HCK: variants seen among roughly 807,000 people sequenced by gnomAD.
The protein encoded by HCK is tyrosine-protein kinase HCK.
In HCK, 40 loss-of-function variants were observed where a neutral mutation model predicts 70.4. That is an observed-to-expected ratio of 0.57 (90% CI 0.44 to 0.74). HCK has a LOEUF of 0.74. HCK is among the 30% of genes least tolerant of loss of function. The pLI, the probability that HCK is intolerant of heterozygous loss-of-function variation, is 0.00. For synonymous variants in HCK, 245 were observed against 263.2 expected, an observed-to-expected ratio of 0.93 and a Z score of 0.67; for missense variants, 568 against 697.2, an observed-to-expected ratio of 0.81 and a Z score of 2.09.
At chr20:32,099,984 C>T (rs1462665668) in intron 12 of HCK, among the ~76,000 whole-genome samples, 1 of 151,694 alleles carries the variant, frequency 6.6e-6, no homozygotes, top group Non-Finnish European at 1.5e-5. Context: ...ATGGCAGCCT[C>T]GACTTCCTAG....
At position 32,094,767 on chromosome 20, in the gene HCK, A is replaced by AAGAG. The variant is rs1600744762; in HGVS notation, c.1246+754_1246+755insGAGA. Reference sequence around the variant, plus strand: ...AAAGAAAGAAAGAAAGAAAGAAGGAAAGAAAGAAAGAGAGAGAAAGAGAAA... The same window carrying AAGAG: ...AAAGAAAGAAAGAAAGAAAGAAGGAAAGAGAGAAAGAAAGAGAGAGAAAGAGAAA... On this transcript the variant is annotated intron_variant, in intron 11 of 12. Coordinates refer to ENST00000375852, the MANE Select transcript of HCK (RefSeq NM_002110.5). Among the ~76,000 whole-genome samples, 176 of 116,762 alleles carry AAGAG rather than the reference A, an allele frequency of 1.5e-3. 4 individuals carry two copies. Among genetic ancestry groups the AAGAG allele is most frequent in the African/African-American group, 4.7e-3 (136 of 28,702 alleles). 76.6% of individuals were successfully genotyped at this position (116,762 alleles called of 152,430 possible). A position where few individuals can be genotyped will look rare whatever the true frequency, so the allele number is the denominator to read the frequency against.
chr20:32,080,934 T>A (rs562438641), intron 6 of HCK, among the ~76,000 whole-genome samples: 8 of 151,770 alleles, frequency 5.3e-5, no homozygotes, highest in African/African-American at 1.9e-4. Flanking sequence ...TGAAAAATTT[T>A]AAAAATTAGC....
intron 11 of HCK, among the ~76,000 whole-genome samples, chr20:32,094,841 GAAAGAAAGAAAA>G (rs2045932722): frequency 8.0e-6 from 1 of 125,422 alleles, no homozygotes; most frequent in East Asian, 2.4e-4. Context: ...AAGAAAGAAA[GAAAGAAAGAAAA>G]GAAAGAAAGA....
rs1569010023 is a variant in HCK at position 32,094,771 on chromosome 20, A to AAGAG, written c.1246+758_1246+759insGAGA. Among the ~76,000 whole-genome samples the AAGAG allele has an allele frequency of 5.2e-4, 64 of 123,586 alleles. 1 individual carries two copies. Among genetic ancestry groups the AAGAG allele is most frequent in the African/African-American group, 1.7e-3 (54 of 31,198 alleles). 81.1% of individuals were successfully genotyped at this position (123,586 alleles called of 152,430 possible). A position where few individuals can be genotyped will look rare whatever the true frequency, so the allele number is the denominator to read the frequency against. On this transcript the variant is annotated intron_variant, in intron 11 of 12. Coordinates refer to ENST00000375852, the MANE Select transcript of HCK (RefSeq NM_002110.5). Reference sequence around the variant, plus strand: ...AAAGAAAGAAAGAAAGAAGGAAAGAAAGAAAGAGAGAGAAAGAGAAAGAAA... The same window carrying AAGAG: ...AAAGAAAGAAAGAAAGAAGGAAAGAAAGAGAGAAAGAGAGAGAAAGAGAAAGAAA...
chr20:32,061,898 G>T (rs746215798), intron 1 of HCK, among the ~76,000 whole-genome samples: 1 of 151,786 alleles, frequency 6.6e-6, no homozygotes, highest in South Asian at 2.1e-4. Flanking sequence ...GAAACCCTGG[G>T]TGGGGGTTGA....
intron 12 of HCK, among the ~76,000 whole-genome samples, chr20:32,100,375 G>A (rs2046017541): frequency 6.6e-6 from 1 of 152,184 alleles, no homozygotes; most frequent in African/African-American, 2.4e-5. Context: ...ATGATGGTCT[G>A]GACAGGGTGG....
chr20:32,084,863 CA>C (rs1376746374), intron 8 of HCK, among the ~76,000 whole-genome samples: 1 of 152,208 alleles, frequency 6.6e-6, no homozygotes, highest in Admixed American at 6.5e-5. Context: ...GAGACCTTTT[CA>C]GATGATGAAA....
chr20:32,099,397 A>G (rs1408301942), intron 12 of HCK, among the ~76,000 whole-genome samples: 2 of 114,460 alleles, frequency 1.7e-5, no homozygotes, highest in African/African-American at 7.6e-5. Flanking sequence ...TCCCTCTGTC[A>G]CCCAGGCTGG....
At position 32,084,009 on chromosome 20, in the gene HCK, C is replaced by G. The variant is rs1415409702; in HGVS notation, c.648C>G (p.Phe216Leu). ...TCTACATATCCCCCCGAAGCACCTT[C>G]AGCACTCTGCAGGAGCTGGTGGACC... is the stretch of plus-strand genomic sequence containing the variant. The change falls in exon 7 of 13, where the codon TTC (phenylalanine) becomes TTG (leucine). Residue 216 changes from phenylalanine (F) to leucine (L), a missense_variant. This residue lies in a region of HCK where 318 missense variants were observed against 336.0 expected (regional missense o/e 0.95). Coordinates refer to ENST00000375852, the MANE Select transcript of HCK (RefSeq NM_002110.5). The G allele has an allele frequency of 6.2e-7, 1 of 1,613,952 alleles. No individual in the cohort carries two copies. The highest frequency in any genetic ancestry group is 2.2e-5 in the East Asian group (1 of 44,904).
intron 10 of HCK, among the ~76,000 whole-genome samples, chr20:32,088,858 G>A (rs1296144368): frequency 1.3e-5 from 2 of 152,018 alleles, no homozygotes; most frequent in African/African-American, 2.4e-5. Flanking sequence ...TGGGATTTTT[G>A]TTATCTATTT....
intron 3 of HCK, 102 bp from the exon 4 acceptor site, chr20:32,073,614 A>T (rs2045575805): frequency 2.7e-6 from 2 of 746,776 alleles, no homozygotes; most frequent in Middle Eastern, 3.2e-4. Flanking sequence ...TTGGAACCAC[A>T]TATCGATGGG....
chr20:32,094,531 T>G (rs1470994837), intron 11 of HCK, among the ~76,000 whole-genome samples: 1 of 151,512 alleles, frequency 6.6e-6, no homozygotes, highest in Non-Finnish European at 1.5e-5. Flanking sequence ...ATTTAAGAAA[T>G]TAGCCAGGCA....
chr20:32,077,987 AC>A lies in HCK; in HGVS notation c.429-1786del, dbSNP rs2045651768. On this transcript the variant is annotated intron_variant, in intron 5 of 12. Coordinates refer to ENST00000375852, the MANE Select transcript of HCK (RefSeq NM_002110.5). ...TCCCTTGTGCAAGGTCTATGGGATA[AC>A]TTCCTAGGACCAGAATTGTCAGGGA... 2.6e-5 allele frequency among the ~76,000 whole-genome samples: 4 copies of A among 151,516 alleles called. No homozygotes were observed. The South Asian group carries it at 6.2e-4, about 24-fold the overall frequency.
intron 1 of HCK, among the ~76,000 whole-genome samples, chr20:32,070,222 G>T (rs2045517790): frequency 6.6e-6 from 1 of 152,088 alleles, no homozygotes; most frequent in Non-Finnish European, 1.5e-5. Context: ...TTCTCACAGG[G>T]TTCCCTCCCC....
intron 1 of HCK, among the ~76,000 whole-genome samples, chr20:32,061,250 G>A (rs1328879427): frequency 2.0e-5 from 3 of 152,230 alleles, no homozygotes; most frequent in African/African-American, 7.2e-5. Context: ...CCAAAGTGCT[G>A]GGATTACAGG....
Position 32,086,755 on chromosome 20 carries a change from TG to T in HCK, c.964del (p.Ala322ArgfsTer24). On this transcript the variant is annotated frameshift_variant, in exon 9 of 13. Transcript: ENST00000375852. LOFTEE classifies it high-confidence loss of function. ...AGCATGACAAGCTGGTCAAACTTCA[TG>T]CGGTGGTCACCAAGGAGCCCATCTA... 1 of 1,605,160 alleles carries T rather than the reference TG, an allele frequency of 6.2e-7. No homozygotes were observed. Among genetic ancestry groups the T allele is most frequent in the Non-Finnish European group, 8.5e-7 (1 of 1,175,560 alleles).
chr20:32,073,393 A>T (rs1194790377), intron 3 of HCK, 32 bp downstream of exon 3: 1 of 1,588,272 alleles, frequency 6.3e-7, no homozygotes, highest in Non-Finnish European at 8.6e-7. Context: ...CAGTGGAGTC[A>T]TGTGTCCTGC....
chr20:32,098,030 T>G (rs1450352363), intron 11 of HCK, among the ~76,000 whole-genome samples: 1 of 135,466 alleles, frequency 7.4e-6, no homozygotes, highest in Non-Finnish European at 1.5e-5. Flanking sequence ...TTTCTATTTT[T>G]TTATATTTTA....
Position 32,084,115 on chromosome 20 carries a change from G to GC in HCK, c.682+76dup, listed in dbSNP as rs762841725. The GC allele has an allele frequency of 3.0e-4, 459 of 1,518,956 alleles. 1 individual carries two copies. Among genetic ancestry groups the GC allele is most frequent in the Non-Finnish European group, 3.9e-4 (436 of 1,110,462 alleles). The allele number at this position is 1,518,956 out of a possible 1,614,324, so 94.1% of individuals were successfully genotyped here. On this transcript the variant is annotated intron_variant, in intron 7 of 12. Coordinates refer to ENST00000375852, the MANE Select transcript of HCK (RefSeq NM_002110.5). ...GACTCCTAGTCACGGATGCACTGTG[G>GC]CCCCTGAGACCTGCTGTGTCCTTCT...
Sources: allele counts gnomAD v4.1 joint callset (sites outside exome capture counted in the v4.1 genomes callset), GRCh38; gene constraint gnomAD v4.1.1; regional missense constraint gnomAD v4.1.1; transcripts MANE v1.5; gene names NCBI Gene and HGNC (gene_info 2026-07-23, HGNC 2026-07-21).